RUNDC3A: variants seen among roughly 807,000 people sequenced by gnomAD.
RUNDC3A encodes RUN domain-containing protein 3A.
RUNDC3A carries 28 observed loss-of-function variants against 53.9 expected under a neutral mutation model. That is an observed-to-expected ratio of 0.52 (90% CI 0.38 to 0.71). The LOEUF is 0.71. Among genes scored for constraint, RUNDC3A ranks in the 30% least tolerant of loss-of-function variants. The pLI, the probability that RUNDC3A is intolerant of heterozygous loss-of-function variation, is 0.00. For synonymous variants in RUNDC3A, 232 were observed against 249.4 expected (o/e 0.93, Z 0.66); for missense variants, 491 against 597.3 (o/e 0.82, Z 1.85).
chr17:44,317,107 A>G (rs1598332168), intron 10 of RUNDC3A: 1 of 387,178 alleles, frequency 2.6e-6, no homozygotes, highest in Non-Finnish European at 4.7e-6. Context: ...TGGCCTCCCA[A>G]AGTGCTGGGA....
chr17:44,316,730 G>A lies in RUNDC3A; in HGVS notation c.1198+5G>A. 1 of 1,545,878 alleles carries A rather than the reference G, an allele frequency of 6.5e-7. No individual in the cohort carries two copies. Among genetic ancestry groups the A allele is most frequent in the Non-Finnish European group, 8.7e-7 (1 of 1,144,718 alleles). ...AGGAGCCCTGGGGTCCCATCGGTGA[G>A]CTCCCCCAACCCAACACCCAGTACC... On this transcript the variant is annotated splice_donor_5th_base_variant and intron_variant, in intron 10 of 10. Coordinates refer to ENST00000426726, the MANE Select transcript of RUNDC3A (RefSeq NM_001144825.2).
At chr17:44,310,294 A>G (rs1000861512) in intron 1 of RUNDC3A, among the ~76,000 whole-genome samples, 2 of 151,452 alleles carry the variant, frequency 1.3e-5, no homozygotes, top group Non-Finnish European at 2.9e-5. Context: ...AAATGGCACC[A>G]TCCATGTAGG....
intron 10 of RUNDC3A, chr17:44,317,786 C>T (rs2047900383): frequency 3.3e-6 from 2 of 598,812 alleles, no homozygotes. Context: ...CGTGTCTTGT[C>T]CGTTCTCTGT....
Position 44,312,499 on chromosome 17 carries a change from C to G in RUNDC3A, c.108-81C>G, listed in dbSNP as rs368398180. 36 of 762,236 alleles carry G rather than the reference C, an allele frequency of 4.7e-5. 2 individuals are homozygous for G. In the South Asian group the frequency reaches 5.1e-4, roughly 11 times the overall value. The allele number at this position is 762,236 out of a possible 1,614,324, so 47.2% of individuals were successfully genotyped here. A position where few individuals can be genotyped will look rare whatever the true frequency, so the allele number is the denominator to read the frequency against. ...GCCCTTCCTGACCTTTCTTCTCTGC[C>G]GGTTGCTCCCTGTCTCTCCCTCCAT... is the stretch of plus-strand genomic sequence containing the variant. On this transcript the variant is annotated intron_variant, in intron 1 of 10. Transcript: ENST00000426726.
chr17:44,316,564 G>A lies in RUNDC3A; in HGVS notation c.1091+42G>A, dbSNP rs202167609. ...TGGGGCTTGGGCCTGAGAGCGGGTC[G>A]TCCTGGGGAAGAAGGGCTTCCTCTA... On this transcript the variant is annotated intron_variant, in intron 9 of 10. Transcript: ENST00000426726. 381 of 1,589,792 alleles carry A rather than the reference G, an allele frequency of 2.4e-4. 2 individuals carry two copies. In the East Asian group the frequency reaches 8.6e-3, roughly 36 times the overall value.
At position 44,318,101 on chromosome 17, in the gene RUNDC3A, G is replaced by T; in HGVS notation, c.1204G>T (p.Asp402Tyr). 1 of 1,551,242 alleles carries T rather than the reference G, an allele frequency of 6.4e-7. No homozygotes were observed. Among genetic ancestry groups the T allele is most frequent in the East Asian group, 2.4e-5 (1 of 40,918 alleles). ...CACCTGCCCTCTCTCCCCAGGGAAGGACCCCACGCCCTCCATGCTGGGCCT... is the reference window on the plus strand; with the variant it reads ...CACCTGCCCTCTCTCCCCAGGGAAGTACCCCACGCCCTCCATGCTGGGCCT... ...DEEPWGPIGKDPTPSMLGLCG... is the reference protein window; with the variant it reads ...DEEPWGPIGKYPTPSMLGLCG... Residue 402 changes from aspartate to tyrosine, a missense_variant, in exon 11 of 11, where the codon GAC becomes TAC. Around this residue, in one of 2 missense-constraint regions of RUNDC3A, gnomAD observed 218 missense variants for 208.2 expected, o/e 1.05. Transcript: ENST00000426726.
chr17:44,310,960 T>C, intron 1 of RUNDC3A: 1 of 985,558 alleles, frequency 1.0e-6, no homozygotes, highest in Non-Finnish European at 1.2e-6. Flanking sequence ...CCAGCGGCCC[T>C]AGGCACCTAC....
intron 10 of RUNDC3A, chr17:44,317,489 C>T (rs776294525): frequency 1.3e-6 from 1 of 780,774 alleles, no homozygotes; most frequent in Admixed American, 1.7e-5. Flanking sequence ...TGCCAGGAAG[C>T]TCAGAGCCAA....
In RUNDC3A at chr17:44,318,426, A is replaced by C; in HGVS notation, c.*188A>C. The C allele has an allele frequency of 1.5e-6, 1 of 681,404 alleles. No homozygotes were observed. The highest frequency in any genetic ancestry group is 2.4e-6 in the Non-Finnish European group (1 of 418,328). The allele number at this position is 681,404 out of a possible 1,614,324, so 42.2% of individuals were successfully genotyped here. A position where few individuals can be genotyped will look rare whatever the true frequency, so the allele number is the denominator to read the frequency against. On this transcript the variant is annotated 3_prime_UTR_variant, in exon 11 of 11. Coordinates refer to ENST00000426726, the MANE Select transcript of RUNDC3A (RefSeq NM_001144825.2). ...CCTTGGCAGCACGGGCTGCGGAAGA[A>C]AGCACGCTGGGCCAGGAGGCAGGGG...
intron 1 of RUNDC3A, among the ~76,000 whole-genome samples, chr17:44,309,294 G>C (rs76374005): frequency 2.6e-5 from 4 of 152,118 alleles, no homozygotes; most frequent in African/African-American, 9.7e-5. Flanking sequence ...GGGACCCCGT[G>C]GGGGGATGAA....
At chr17:44,317,471 T>C (rs753538676) in intron 10 of RUNDC3A, 3 of 780,894 alleles carry the variant, frequency 3.8e-6, no homozygotes, top group South Asian at 1.3e-5. Context: ...TTCCCCCTTC[T>C]CTTTGGCTGC....
At chr17:44,310,914 C>T in intron 1 of RUNDC3A, 2 of 985,506 alleles carry the variant, frequency 2.0e-6, no homozygotes, top group Non-Finnish European at 2.4e-6. Context: ...CAGGGCCAGC[C>T]TTCCCAGCCA....
intron 2 of RUNDC3A, 27 bp downstream of exon 2, chr17:44,312,722 G>T: frequency 1.6e-6 from 2 of 1,261,108 alleles, no homozygotes; most frequent in Non-Finnish European, 2.2e-6. Flanking sequence ...TCCCCCAGCG[G>T]TCCCTCCCCC....
intron 4 of RUNDC3A, chr17:44,314,252 G>A (rs1026943904): frequency 1.5e-4 from 148 of 1,005,270 alleles, no homozygotes; most frequent in Non-Finnish European, 1.7e-4. Flanking sequence ...GGTGCCTGAG[G>A]CAAGGGGTTA....
intron 1 of RUNDC3A, chr17:44,310,990 G>A (rs2144673045): frequency 2.0e-6 from 2 of 985,294 alleles, no homozygotes; most frequent in East Asian, 2.3e-4. Flanking sequence ...ACCCTGCCTG[G>A]GCTCTCAACC....
At chr17:44,316,047 CT>C (rs2144694333) in intron 8 of RUNDC3A, among the ~76,000 whole-genome samples, 1 of 152,232 alleles carries the variant, frequency 6.6e-6, no homozygotes, top group East Asian at 1.9e-4. Context: ...TTCTCTACGC[CT>C]TTCCACCACC....
rs2047917941 is a variant in RUNDC3A at position 44,318,363 on chromosome 17, T to C, written c.*125T>C. The C allele has an allele frequency of 5.4e-6, 6 of 1,114,554 alleles. No homozygotes were observed. The highest frequency in any genetic ancestry group is 1.5e-5 in the South Asian group (1 of 66,210). The allele number at this position is 1,114,554 out of a possible 1,614,324, so 69.0% of individuals were successfully genotyped here. On this transcript the variant is annotated 3_prime_UTR_variant, in exon 11 of 11. Transcript: ENST00000426726. ...AACGCTACCCACCCAGCCAGGGTTCTCTCGGGGAAGATCTCGTCTGCTCAC... is the reference window on the plus strand; with the variant it reads ...AACGCTACCCACCCAGCCAGGGTTCCCTCGGGGAAGATCTCGTCTGCTCAC...
At chr17:44,317,516 G>A (rs752019641) in intron 10 of RUNDC3A, 8 of 780,680 alleles carry the variant, frequency 1.0e-5, no homozygotes, top group East Asian at 4.8e-5. Flanking sequence ...GGCTCCCTTC[G>A]AGCGAATGCC....
At chr17:44,311,019 T>A in intron 1 of RUNDC3A, 1 of 985,340 alleles carries the variant, frequency 1.0e-6, no homozygotes, top group Non-Finnish European at 1.2e-6. Flanking sequence ...ATGAGGCAGG[T>A]ACGATTGTTC....
Sources: gnomAD v4.1 joint callset for allele counts (sites outside exome capture counted in the v4.1 genomes callset) on GRCh38, gnomAD v4.1.1 for gene constraint, gnomAD v4.1.1 regional missense constraint, MANE v1.5 for transcripts, NCBI Gene and HGNC (gene_info 2026-07-23, HGNC 2026-07-21) for gene names.